Variants in NCKAP5 observed in about 807,000 individuals in gnomAD.
NCKAP5 encodes NCK associated protein 5.
Under a neutral mutation model 167.0 loss-of-function variants are expected in NCKAP5, and 92 were observed. That is an observed-to-expected ratio of 0.55 (90% CI 0.47 to 0.66). NCKAP5 has a LOEUF of 0.66. Among genes scored for constraint, NCKAP5 ranks in the 30% least tolerant of loss-of-function variants. NCKAP5 has a pLI of 0.00. For missense variants in NCKAP5, 2,378 were observed against 2,315.0 expected, an observed-to-expected ratio of 1.03 and a Z score of -0.56; for synonymous variants, 891 against 877.4, an observed-to-expected ratio of 1.02 and a Z score of -0.27.
chr2:133,089,674 G>C (rs962897501), intron 6 of NCKAP5, among the ~76,000 whole-genome samples: 1 of 152,214 alleles, frequency 6.6e-6, no homozygotes, highest in African/African-American at 2.4e-5. Flanking sequence ...AAAAAACAGA[G>C]TTAGGTTCTA....
intron 6 of NCKAP5, among the ~76,000 whole-genome samples, chr2:132,998,158 G>T (rs531015088): frequency 8.5e-5 from 13 of 152,272 alleles, no homozygotes; most frequent in African/African-American, 2.6e-4. Context: ...CGGTTAAAAT[G>T]AAATCATATT....
intron 8 of NCKAP5, among the ~76,000 whole-genome samples, chr2:132,924,266 G>T (rs1052085084): frequency 2.6e-5 from 4 of 152,078 alleles, no homozygotes; most frequent in Non-Finnish European, 5.9e-5. Context: ...ATCAAAAAAT[G>T]GATTCATTTT....
chr2:133,249,854 G>C (rs992218318), intron 4 of NCKAP5, among the ~76,000 whole-genome samples: 1 of 152,110 alleles, frequency 6.6e-6, no homozygotes, highest in African/African-American at 2.4e-5. Context: ...GAAGGAGGTT[G>C]AAGCTAAGTC....
intron 3 of NCKAP5, among the ~76,000 whole-genome samples, chr2:133,514,717 T>C (rs1044734772): frequency 6.6e-6 from 1 of 152,174 alleles, no homozygotes; most frequent in African/African-American, 2.4e-5. Context: ...GTAATATGTT[T>C]CTCTTTCCTC....
chr2:132,864,698 C>CTTAGA lies in NCKAP5; in HGVS notation c.688-4092_688-4088dup, dbSNP rs570451991. On this transcript the variant is annotated intron_variant, in intron 10 of 19. Transcript: ENST00000409261. ...AGTACATTTTTTAAAATGCTGATTG[C>CTTAGA]TTAGAAGCAGGACATACACTAACAT... 1.3e-3 allele frequency among the ~76,000 whole-genome samples: 203 copies of CTTAGA among 152,248 alleles called. 2 individuals carry two copies. Among genetic ancestry groups the CTTAGA allele is most frequent in the African/African-American group, 4.7e-3 (194 of 41,550 alleles).
At chr2:132,902,175 A>C (rs778959823) in intron 8 of NCKAP5, among the ~76,000 whole-genome samples, 1 of 152,214 alleles carries the variant, frequency 6.6e-6, no homozygotes, top group African/African-American at 2.4e-5. Context: ...TACTGGAATG[A>C]AGTATTCTTA....
chr2:133,284,994 T>C (rs1399385039), intron 4 of NCKAP5, among the ~76,000 whole-genome samples: 1 of 152,212 alleles, frequency 6.6e-6, no homozygotes, highest in Non-Finnish European at 1.5e-5. Context: ...TGAGCCTAAT[T>C]ACATGTTCCT....
the NCKAP5 span, among the ~76,000 whole-genome samples, chr2:133,660,850 C>A: frequency 6.6e-6 from 1 of 151,890 alleles, no homozygotes; most frequent in East Asian, 1.9e-4. Context: ...TTTGCTCATA[C>A]GCCTTTTGAA....
At chr2:133,306,624 G>A (rs576764494) in intron 3 of NCKAP5, among the ~76,000 whole-genome samples, 1 of 152,246 alleles carries the variant, frequency 6.6e-6, no homozygotes, top group South Asian at 2.1e-4. Context: ...TAAAGACAGG[G>A]CTGAGTGAGC....
intron 3 of NCKAP5, among the ~76,000 whole-genome samples, chr2:133,426,766 A>T (rs1395284822): frequency 1.3e-5 from 2 of 152,226 alleles, no homozygotes; most frequent in Non-Finnish European, 2.9e-5. Flanking sequence ...CCAGTGTACC[A>T]TACTAATGTA....
intron 5 of NCKAP5, among the ~76,000 whole-genome samples, chr2:133,148,388 G>A (rs1171607004): frequency 6.6e-6 from 1 of 152,040 alleles, no homozygotes; most frequent in Non-Finnish European, 1.5e-5. Flanking sequence ...ATTAAACGTT[G>A]TCAGCATATC....
chr2:133,094,956 C>A (rs986362666), intron 6 of NCKAP5, among the ~76,000 whole-genome samples: 1 of 152,032 alleles, frequency 6.6e-6, no homozygotes, highest in Non-Finnish European at 1.5e-5. Flanking sequence ...ACTCCTATAA[C>A]CCCCAAAAAC....
At chr2:133,252,417 C>T (rs2088393002) in intron 4 of NCKAP5, among the ~76,000 whole-genome samples, 1 of 152,172 alleles carries the variant, frequency 6.6e-6, no homozygotes, top group African/African-American at 2.4e-5. Context: ...TTTCTAGTCA[C>T]AGCCAAGTAG....
At chr2:133,175,961 A>G (rs148516342) in intron 5 of NCKAP5, among the ~76,000 whole-genome samples, 1 of 152,324 alleles carries the variant, frequency 6.6e-6, no homozygotes, top group Non-Finnish European at 1.5e-5. Context: ...CTTAACTAGG[A>G]GTTTAATTTC....
Position 132,698,705 on chromosome 2 carries a change from G to A in NCKAP5, c.5714-25400C>T, listed in dbSNP as rs566238616. Among the ~76,000 whole-genome samples, 25 of 152,184 alleles carry A rather than the reference G, an allele frequency of 1.6e-4. No individual in the cohort carries two copies. The East Asian group carries it at 2.7e-3, about 17-fold the overall frequency. On this transcript the variant is annotated intron_variant, in intron 19 of 19. Transcript: ENST00000409261. ...AAAAATTAGCTGGATGTGGTGGCAC[G>A]TGCCTGTAGTCCCAACTACTCAGGA...
chr2:132,832,363 T>C (rs1030172657), intron 11 of NCKAP5, among the ~76,000 whole-genome samples: 1 of 152,128 alleles, frequency 6.6e-6, no homozygotes. Context: ...AGAAATGCTG[T>C]GGTTTGGTTT....
intron 9 of NCKAP5, among the ~76,000 whole-genome samples, chr2:132,874,682 C>A (rs1342905407): frequency 6.6e-6 from 1 of 152,136 alleles, no homozygotes; most frequent in Non-Finnish European, 1.5e-5. Context: ...ACTGTAAGGG[C>A]CCAGCTCTGA....
chr2:133,003,368 AGG>A (rs1402056790), intron 6 of NCKAP5, among the ~76,000 whole-genome samples: 4 of 152,226 alleles, frequency 2.6e-5, no homozygotes, highest in African/African-American at 9.7e-5. Flanking sequence ...GTGAGTCTAA[AGG>A]AAAGCTGACT....
At chr2:133,009,988 G>A (rs949836365) in intron 6 of NCKAP5, among the ~76,000 whole-genome samples, 32 of 151,710 alleles carry the variant, frequency 2.1e-4, no homozygotes, top group Admixed American at 8.6e-4. Flanking sequence ...GGAGAATGGC[G>A]TGAACCCGGG....
Sources: allele counts gnomAD v4.1 joint callset (sites outside exome capture counted in the v4.1 genomes callset), GRCh38; gene constraint gnomAD v4.1.1; transcripts MANE v1.5; gene names NCBI Gene and HGNC (gene_info 2026-07-23, HGNC 2026-07-21).